The following GARS1 variants were observed in gnomAD, a reference collection of about 807,000 sequenced individuals.
The protein encoded by GARS1 is glycyl-tRNA synthetase 1.
A neutral mutation model predicts 86.4 loss-of-function variants in GARS1; 46 were observed. The observed-to-expected ratio is 0.53, with a 90% CI of 0.42 to 0.68. The LOEUF (loss-of-function observed/expected upper bound fraction) is 0.68, where lower values mean the gene tolerates loss of function less well. Ranked by LOEUF, GARS1 falls within the 30% of genes least tolerant of loss-of-function variation. GARS1 has a pLI of 0.00. For synonymous variants in GARS1, 342 were observed against 329.8 expected (o/e 1.04, Z -0.40); for missense variants, 797 against 915.6 (o/e 0.87, Z 1.67).
intron 13 of GARS1, 124 bp downstream of exon 13, chr7:30,626,443 T>G: frequency 1.5e-6 from 1 of 684,658 alleles, no homozygotes; most frequent in South Asian, 1.6e-5. Context: ...CCTCCCCGGC[T>G]CAAGCGTTCC....
chr7:30,615,779 C>A, intron 8 of GARS1, 117 bp from the exon 9 acceptor site: 2 of 1,129,198 alleles, frequency 1.8e-6, no homozygotes, highest in South Asian at 3.3e-5. Context: ...TGAAAAAGAC[C>A]ACTATAGTAT....
chr7:30,609,525 T>A, intron 6 of GARS1, 60 bp from the exon 7 acceptor site: 1 of 1,427,188 alleles, frequency 7.0e-7, no homozygotes, highest in South Asian at 1.1e-5. Context: ...TATATAATAC[T>A]TTATATCTTA....
At chr7:30,605,669 A>G (rs1311324116) in intron 6 of GARS1, among the ~76,000 whole-genome samples, 2 of 152,182 alleles carry the variant, frequency 1.3e-5, no homozygotes, top group Non-Finnish European at 1.5e-5. Flanking sequence ...CATGTGAGCC[A>G]TGGTGCCCAG....
At chr7:30,625,615 A>T (rs186172949) in intron 12 of GARS1, among the ~76,000 whole-genome samples, 1 of 152,306 alleles carries the variant, frequency 6.6e-6, no homozygotes, top group Admixed American at 6.5e-5. Flanking sequence ...ATAAAGATGA[A>T]TTCTTATAAC....
chr7:30,606,874 GTTAAC>G (rs1472777393), intron 6 of GARS1, among the ~76,000 whole-genome samples: 4 of 152,102 alleles, frequency 2.6e-5, no homozygotes, highest in Non-Finnish European at 5.9e-5. Flanking sequence ...ATACTTAATA[GTTAAC>G]TTAAAGTTAG....
rs1330738917 is a variant in GARS1, at chr7:30,623,846, A to G, written c.1613+1384A>G. ...GCTAGTGGGGAAAAAGACTCATCAC[A>G]TAAAAGCAAACAAAGATAAGAATGA... On this transcript the variant is annotated intron_variant, in intron 12 of 16. Transcript: ENST00000389266. 2.6e-5 allele frequency among the ~76,000 whole-genome samples: 4 copies of G among 152,350 alleles called. No homozygotes were observed. The East Asian group carries it at 5.8e-4, about 22-fold the overall frequency.
At chr7:30,604,698 G>A (rs1240046552) in intron 6 of GARS1, among the ~76,000 whole-genome samples, 3 of 152,002 alleles carry the variant, frequency 2.0e-5, no homozygotes, top group East Asian at 3.9e-4. Context: ...CATTGTTTTA[G>A]TAATTACTCA....
At chr7:30,623,318 T>G (rs1360796897) in intron 12 of GARS1, among the ~76,000 whole-genome samples, 1 of 152,152 alleles carries the variant, frequency 6.6e-6, no homozygotes, top group Non-Finnish European at 1.5e-5. Context: ...AAGCACTTAT[T>G]ATAAATATGC....
At chr7:30,619,255 G>A (rs1397931942) in intron 10 of GARS1, among the ~76,000 whole-genome samples, 1 of 152,142 alleles carries the variant, frequency 6.6e-6, no homozygotes, top group Non-Finnish European at 1.5e-5. Flanking sequence ...CCATTGTGAG[G>A]GTTAGGGATC....
At chr7:30,625,983 A>G (rs546011361) in intron 12 of GARS1, among the ~76,000 whole-genome samples, 41 of 152,190 alleles carry the variant, frequency 2.7e-4, no homozygotes, top group Admixed American at 1.1e-3. Flanking sequence ...TCATTAAGTC[A>G]CTTGTGGAGT....
At chr7:30,620,777 A>G (rs1169446304) in intron 10 of GARS1, among the ~76,000 whole-genome samples, 1 of 152,188 alleles carries the variant, frequency 6.6e-6, no homozygotes, top group Admixed American at 6.5e-5. Context: ...GCCCACATTT[A>G]TGGCCAGCTG....
At chr7:30,607,385 A>T (rs907236806) in intron 6 of GARS1, among the ~76,000 whole-genome samples, 15 of 152,206 alleles carry the variant, frequency 9.9e-5, no homozygotes, top group African/African-American at 3.6e-4. Context: ...GGATGAGTTC[A>T]TGTCCTTTGT....
chr7:30,626,874 G>A (rs751109871), intron 13 of GARS1, among the ~76,000 whole-genome samples: 22 of 152,008 alleles, frequency 1.4e-4, no homozygotes, highest in Admixed American at 4.6e-4. Context: ...CCAGCTACTC[G>A]GGAGGCTGAG....
intron 13 of GARS1, among the ~76,000 whole-genome samples, chr7:30,626,557 C>A (rs999126408): frequency 1.3e-5 from 2 of 152,198 alleles, no homozygotes; most frequent in African/African-American, 2.4e-5. Context: ...TGCCATGTTG[C>A]CCAGGCTGAT....
At chr7:30,598,469 A>C (rs1185890198) in intron 1 of GARS1, among the ~76,000 whole-genome samples, 1 of 146,206 alleles carries the variant, frequency 6.8e-6, no homozygotes, top group Non-Finnish European at 1.5e-5. Context: ...GCTCAGTGCA[A>C]CCTCCGCCTT....
intron 10 of GARS1, among the ~76,000 whole-genome samples, chr7:30,618,668 C>G (rs531944164): frequency 4.7e-4 from 72 of 152,306 alleles, no homozygotes; most frequent in African/African-American, 1.6e-3. Flanking sequence ...TGCTTAGCTC[C>G]ATGGTCTTGG....
At chr7:30,627,479 A>T (rs1487442159) in intron 13 of GARS1, among the ~76,000 whole-genome samples, 1 of 152,174 alleles carries the variant, frequency 6.6e-6, no homozygotes, top group Non-Finnish European at 1.5e-5. Flanking sequence ...GGTACCAATG[A>T]TCTCATTTCC....
At chr7:30,602,918 T>C (rs1791409813) in intron 4 of GARS1, 116 bp from the exon 5 acceptor site, 6 of 774,320 alleles carry the variant, frequency 7.7e-6, no homozygotes, top group South Asian at 2.8e-5. Context: ...ACTATAGATA[T>C]GGGAGCTTCC....
chr7:30,622,432 C>A lies in GARS1; in HGVS notation c.1583C>A (p.Thr528Lys). Residue 528 changes from threonine (T) to lysine (K), a missense_variant, in exon 12 of 17, where the codon ACA (threonine) becomes AAA (lysine). By Grantham distance (78) the Thr-to-Lys change is moderately conservative. Coordinates refer to ENST00000389266, the MANE Select transcript of GARS1 (RefSeq NM_002047.4). ...GCCATTTGTGATGAGTGCTACATTA[C>A]AGAAATGGAGATGCTGCTGAATGAG... Reference protein sequence around the residue: ...YLAICDECYITEMEMLLNEKG... With the variant: ...YLAICDECYIKEMEMLLNEKG... The A allele has an allele frequency of 2.5e-6, 4 of 1,614,116 alleles. No individual in the cohort carries two copies. Among genetic ancestry groups the A allele is most frequent in the Non-Finnish European group, 3.4e-6 (4 of 1,180,010 alleles).
Sources: gnomAD v4.1 joint callset for allele counts (sites outside exome capture counted in the v4.1 genomes callset) on GRCh38, gnomAD v4.1.1 for gene constraint, MANE v1.5 for transcripts, NCBI Gene and HGNC (gene_info 2026-07-23, HGNC 2026-07-21) for gene names.